Variants in GALNT13 observed in about 807,000 individuals in gnomAD.
The protein encoded by GALNT13 is UDP-GalNAc:polypeptide N-acetylgalactosaminyltransferase 13.
GALNT13 carries 28 observed loss-of-function variants against 64.2 expected under a neutral mutation model. The observed-to-expected ratio is 0.44, with a 90% confidence interval of 0.32 to 0.60. The LOEUF (loss-of-function observed/expected upper bound fraction) is 0.60. Ranked by LOEUF, GALNT13 falls within the 20% of genes least tolerant of loss-of-function variation. GALNT13 has a pLI of 0.05. For missense variants in GALNT13, 577 were observed against 669.8 expected (o/e 0.86, Z 1.53); for synonymous variants, 214 against 224.6 (o/e 0.95, Z 0.42).
the GALNT13 span, among the ~76,000 whole-genome samples, chr2:153,489,658 A>G: frequency 1.3e-5 from 2 of 152,204 alleles, no homozygotes; most frequent in African/African-American, 4.8e-5. Context: ...TTAATACAAG[A>G]TAGGGCAAAA....
the GALNT13 span, among the ~76,000 whole-genome samples, chr2:153,773,589 G>GT: frequency 5.3e-5 from 8 of 151,926 alleles, no homozygotes; most frequent in South Asian, 2.1e-4. Flanking sequence ...CTTTTTCTAG[G>GT]TTTTTTTTCT....
chr2:153,148,324 A>G, the GALNT13 span, among the ~76,000 whole-genome samples: 19 of 151,858 alleles, frequency 1.3e-4, no homozygotes, highest in African/African-American at 4.1e-4. Flanking sequence ...GCAGGAGGAC[A>G]TACACTCCAG....
chr2:153,348,548 A>G, the GALNT13 span, among the ~76,000 whole-genome samples: 1 of 152,226 alleles, frequency 6.6e-6, no homozygotes, highest in African/African-American at 2.4e-5. Flanking sequence ...AATGTGGCAC[A>G]TTAATTCTGT....
intron 3 of GALNT13, among the ~76,000 whole-genome samples, chr2:154,004,064 C>T (rs765925540): frequency 6.6e-6 from 1 of 151,992 alleles, no homozygotes; most frequent in Non-Finnish European, 1.5e-5. Context: ...AATACTAATA[C>T]CTTTCATTAG....
chr2:153,675,483 G>C, the GALNT13 span, among the ~76,000 whole-genome samples: 1 of 152,070 alleles, frequency 6.6e-6, no homozygotes, highest in Non-Finnish European at 1.5e-5. Context: ...TCATAAGTGG[G>C]AGTTGAATAA....
chr2:153,302,480 T>C, the GALNT13 span, among the ~76,000 whole-genome samples: 1 of 152,172 alleles, frequency 6.6e-6, no homozygotes, highest in South Asian at 2.1e-4. Context: ...TTATCAGATA[T>C]ATGGTTTGCA....
the GALNT13 span, among the ~76,000 whole-genome samples, chr2:153,212,212 A>G: frequency 2.0e-5 from 3 of 152,072 alleles, no homozygotes; most frequent in Admixed American, 2.0e-4. Context: ...TTCAAATTAT[A>G]AGTCCAGTAG....
chr2:153,345,663 CTTTCTT>C, the GALNT13 span, among the ~76,000 whole-genome samples: 4 of 138,682 alleles, frequency 2.9e-5, no homozygotes, highest in Non-Finnish European at 4.6e-5. Context: ...TTCTTTCTTT[CTTTCTT>C]TCTTTCTTTC....
the GALNT13 span, among the ~76,000 whole-genome samples, chr2:153,760,416 A>G: frequency 1.3e-5 from 2 of 151,922 alleles, no homozygotes; most frequent in South Asian, 4.1e-4. Flanking sequence ...GTTGTATCCC[A>G]TAAGTTTTGG....
At chr2:153,436,887 T>C in the GALNT13 span, among the ~76,000 whole-genome samples, 2 of 152,220 alleles carry the variant, frequency 1.3e-5, no homozygotes, top group Admixed American at 1.3e-4. Context: ...GTGTTTGCTC[T>C]TGCTTCTGTA....
chr2:154,151,043 T>C (rs1268062156), intron 4 of GALNT13, among the ~76,000 whole-genome samples: 1 of 152,212 alleles, frequency 6.6e-6, no homozygotes, highest in Non-Finnish European at 1.5e-5. Context: ...TTTGGATCTT[T>C]CCTGCTTTCT....
the GALNT13 span, among the ~76,000 whole-genome samples, chr2:153,416,309 G>A: frequency 1.1e-3 from 167 of 152,268 alleles, no homozygotes; most frequent in Admixed American, 1.9e-3. Flanking sequence ...ACACTGGAAT[G>A]GTGCCAATGT....
At chr2:154,002,499 T>A (rs1695978682) in intron 3 of GALNT13, among the ~76,000 whole-genome samples, 1 of 152,022 alleles carries the variant, frequency 6.6e-6, no homozygotes, top group Admixed American at 6.6e-5. Context: ...ATAAAATTTC[T>A]ATTTTTTATT....
chr2:154,139,026 C>G (rs1193047193), intron 3 of GALNT13, among the ~76,000 whole-genome samples: 1 of 151,786 alleles, frequency 6.6e-6, no homozygotes, highest in Non-Finnish European at 1.5e-5. Flanking sequence ...TTCAATGTTT[C>G]CAGTTCTAAC....
At chr2:153,755,693 G>C in the GALNT13 span, among the ~76,000 whole-genome samples, 1 of 152,006 alleles carries the variant, frequency 6.6e-6, no homozygotes, top group Non-Finnish European at 1.5e-5. Flanking sequence ...TGAATCTGTA[G>C]TTTGTCTCTT....
the GALNT13 span, among the ~76,000 whole-genome samples, chr2:153,088,213 A>G: frequency 2.6e-5 from 4 of 152,202 alleles, no homozygotes; most frequent in African/African-American, 7.2e-5. Flanking sequence ...CCTCATTTCA[A>G]TGTTGACCCA....
the GALNT13 span, among the ~76,000 whole-genome samples, chr2:153,422,135 T>C: frequency 8.5e-5 from 13 of 152,206 alleles, no homozygotes; most frequent in African/African-American, 2.9e-4. Flanking sequence ...TTCGAAAATA[T>C]TTCTATCTGA....
the GALNT13 span, among the ~76,000 whole-genome samples, chr2:153,267,657 C>T: frequency 6.6e-6 from 1 of 152,204 alleles, no homozygotes; most frequent in Non-Finnish European, 1.5e-5. Context: ...CCTCCTAGGT[C>T]TCTGGACTTG....
At chr2:153,168,982 T>G in the GALNT13 span, among the ~76,000 whole-genome samples, 1 of 151,502 alleles carries the variant, frequency 6.6e-6, no homozygotes, top group African/African-American at 2.4e-5. Flanking sequence ...ACCAGCTGTT[T>G]TTTCTCTAGC....
Sources: allele counts gnomAD v4.1 joint callset (sites outside exome capture counted in the v4.1 genomes callset), GRCh38; gene constraint gnomAD v4.1.1; transcripts MANE v1.5; gene names NCBI Gene and HGNC (gene_info 2026-07-23, HGNC 2026-07-21).